Variants in GPC6 observed in about 807,000 individuals in gnomAD.
GPC6 encodes glypican 6.
A neutral mutation model predicts 55.2 loss-of-function variants in GPC6; 14 were observed. The observed-to-expected ratio is 0.25, with a 90% CI of 0.17 to 0.40. The LOEUF (loss-of-function observed/expected upper bound fraction) is 0.40. GPC6 is among the 10% of genes least tolerant of loss of function. GPC6 has a pLI of 1.00. For synonymous variants in GPC6, 278 were observed against 259.6 expected (o/e 1.07, Z -0.68); for missense variants, 641 against 708.5 (o/e 0.90, Z 1.08).
chr13:94,230,565 A>G (rs1276439116), intron 4 of GPC6, among the ~76,000 whole-genome samples: 1 of 152,114 alleles, frequency 6.6e-6, no homozygotes, highest in Non-Finnish European at 1.5e-5. Context: ...GCCAGGAGCC[A>G]CTAATGATCA....
intron 1 of GPC6, among the ~76,000 whole-genome samples, chr13:93,464,137 G>A (rs367845784): frequency 8.4e-4 from 128 of 152,162 alleles, no homozygotes; most frequent in African/African-American, 2.7e-3. Context: ...GATAATGATC[G>A]TCTGATCCTT....
At chr13:93,976,832 G>GT (rs1386924275) in intron 3 of GPC6, among the ~76,000 whole-genome samples, 2 of 151,848 alleles carry the variant, frequency 1.3e-5, no homozygotes, top group Non-Finnish European at 2.9e-5. Flanking sequence ...TTGTCAGCCT[G>GT]TAGGCTCCTA....
intron 1 of GPC6, among the ~76,000 whole-genome samples, chr13:93,534,264 G>T (rs1311052036): frequency 7.2e-5 from 11 of 152,124 alleles, no homozygotes; most frequent in Non-Finnish European, 5.9e-5. Context: ...CAGCTTTGTA[G>T]ATTTTTACTT....
At chr13:93,902,795 G>A (rs932445911) in intron 3 of GPC6, among the ~76,000 whole-genome samples, 5 of 152,154 alleles carry the variant, frequency 3.3e-5, no homozygotes, top group South Asian at 2.1e-4. Flanking sequence ...GTGATGTTCC[G>A]CATTTTTTCA....
intron 4 of GPC6, among the ~76,000 whole-genome samples, chr13:94,144,267 G>A (rs2138884967): frequency 1.3e-5 from 2 of 152,116 alleles, no homozygotes; most frequent in South Asian, 4.2e-4. Flanking sequence ...TAATAAAAGA[G>A]TGAACAGTCA....
At chr13:93,870,919 C>G (rs973810126) in intron 3 of GPC6, among the ~76,000 whole-genome samples, 6 of 151,860 alleles carry the variant, frequency 4.0e-5, no homozygotes, top group Admixed American at 1.3e-4. Flanking sequence ...CACACATGGC[C>G]TCTATGGTAA....
intron 2 of GPC6, among the ~76,000 whole-genome samples, chr13:93,655,386 C>G (rs1423835613): frequency 6.6e-6 from 1 of 152,074 alleles, no homozygotes; most frequent in Non-Finnish European, 1.5e-5. Context: ...CCTCTTGAAA[C>G]AGAGTGGTAC....
intron 3 of GPC6, among the ~76,000 whole-genome samples, chr13:93,836,752 A>G (rs1381879229): frequency 6.6e-6 from 1 of 152,190 alleles, no homozygotes; most frequent in Non-Finnish European, 1.5e-5. Context: ...TAAAAATAGT[A>G]AGAAATTGAT....
rs17300352 is a variant in GPC6 at position 93,514,882 on chromosome 13, C to T, written c.161-30381C>T. Among the ~76,000 whole-genome samples, 2,605 of 152,250 alleles carry T rather than the reference C, an allele frequency of 0.017. 249 individuals are homozygous for T. The East Asian group carries it at 0.29, about 17-fold the overall frequency. ...CAAACAAAACAAACAAACAAAAACA[C>T]ATTTGGCATTGCTTGTTATATGAAA... On this transcript the variant is annotated intron_variant, in intron 1 of 8. Coordinates refer to ENST00000377047, the MANE Select transcript of GPC6 (RefSeq NM_005708.5).
At chr13:93,295,177 A>G (rs1240098659) in intron 1 of GPC6, among the ~76,000 whole-genome samples, 1 of 148,910 alleles carries the variant, frequency 6.7e-6, no homozygotes, top group Non-Finnish European at 1.5e-5. Context: ...CTGTAGTCCC[A>G]GTAGTCAGGA....
At chr13:94,096,938 G>C (rs1360029009) in intron 4 of GPC6, among the ~76,000 whole-genome samples, 2 of 152,094 alleles carry the variant, frequency 1.3e-5, no homozygotes, top group Non-Finnish European at 2.9e-5. Flanking sequence ...ATGTGGACAT[G>C]TAAAGCCATC....
At chr13:94,262,257 T>A (rs1304293802) in intron 4 of GPC6, among the ~76,000 whole-genome samples, 1 of 152,100 alleles carries the variant, frequency 6.6e-6, no homozygotes, top group Non-Finnish European at 1.5e-5. Context: ...AAGAGTGAGT[T>A]GGGCAGCGGG....
chr13:94,003,045 T>G (rs1479728746), intron 3 of GPC6, among the ~76,000 whole-genome samples: 2 of 152,124 alleles, frequency 1.3e-5, no homozygotes, highest in African/African-American at 2.4e-5. Flanking sequence ...CAAGGAGAAG[T>G]GAATAATTCG....
chr13:93,847,239 G>C (rs891882893), intron 3 of GPC6, among the ~76,000 whole-genome samples: 1 of 152,058 alleles, frequency 6.6e-6, no homozygotes, highest in Non-Finnish European at 1.5e-5. Flanking sequence ...GTCGGCTCTG[G>C]GGAAGTGGAG....
chr13:94,185,565 T>C (rs534537568), intron 4 of GPC6, among the ~76,000 whole-genome samples: 157 of 151,968 alleles, frequency 1.0e-3, no homozygotes, highest in African/African-American at 3.7e-3. Context: ...TTGGGGATAA[T>C]AGAACAATTT....
intron 2 of GPC6, among the ~76,000 whole-genome samples, chr13:93,650,320 C>A (rs747258343): frequency 1.3e-5 from 2 of 152,074 alleles, no homozygotes; most frequent in Admixed American, 6.6e-5. Context: ...ATTCATCAAG[C>A]TTTTTGCTCT....
intron 6 of GPC6, among the ~76,000 whole-genome samples, chr13:94,321,639 T>C (rs1246810248): frequency 6.6e-6 from 1 of 152,170 alleles, no homozygotes; most frequent in Non-Finnish European, 1.5e-5. Context: ...ATTTTTTGAG[T>C]TCTCTGTTTC....
intron 4 of GPC6, among the ~76,000 whole-genome samples, chr13:94,060,984 A>G (rs569985083): frequency 2.0e-5 from 3 of 152,334 alleles, no homozygotes; most frequent in African/African-American, 7.2e-5. Flanking sequence ...AGAACTAGAT[A>G]TATCTGACAT....
intron 4 of GPC6, among the ~76,000 whole-genome samples, chr13:94,171,173 C>CAGTACTGATTCTGCTACTGA (rs1314117989): frequency 2.0e-5 from 3 of 152,158 alleles, no homozygotes; most frequent in East Asian, 1.9e-4. Context: ...TGGGACCTAA[C>CAGTACTGATTCTGCTACTGA]AGTACTGATT....
Sources: gnomAD v4.1 joint callset for allele counts (sites outside exome capture counted in the v4.1 genomes callset) on GRCh38, gnomAD v4.1.1 for gene constraint, MANE v1.5 for transcripts, NCBI Gene and HGNC (gene_info 2026-07-23, HGNC 2026-07-21) for gene names.